The following IER5L variants were observed in gnomAD, a reference collection of about 807,000 sequenced individuals.
The protein encoded by IER5L is immediate early response 5 like, also known as immediate early response gene 5-like protein.
A neutral mutation model predicts 28.3 loss-of-function variants in IER5L; 6 were observed. That is an observed-to-expected ratio of 0.21 (90% CI 0.12 to 0.42). IER5L has a LOEUF of 0.42. IER5L is among the 10% of genes least tolerant of loss of function. IER5L has a pLI of 1.00. For synonymous variants in IER5L, 351 were observed against 282.5 expected, an observed-to-expected ratio of 1.24 and a Z score of -2.43; for missense variants, 607 against 575.2, an observed-to-expected ratio of 1.06 and a Z score of -0.56.
At position 129,176,811 on chromosome 9, in the gene IER5L, C is replaced by A; in HGVS notation, c.*27G>T. ...TTGTCTGGCCCCAGCCCCGCGGGGC[C>A]CCGGGTCCCTGTGCCCTCGGGGGTC... On this transcript the variant is annotated 3_prime_UTR_variant, in exon 1 of 1. Coordinates refer to ENST00000372491, the MANE Select transcript of IER5L (RefSeq NM_203434.3). 1 of 1,522,616 alleles carries A rather than the reference C, an allele frequency of 6.6e-7. No homozygotes were observed. The highest frequency in any genetic ancestry group is 8.8e-7 in the Non-Finnish European group (1 of 1,140,658). The allele number at this position is 1,522,616 out of a possible 1,614,324, so 94.3% of individuals were successfully genotyped here. A position where few individuals can be genotyped will look rare whatever the true frequency, so the allele number is the denominator to read the frequency against.
chr9:129,176,724 C>A lies in IER5L; in HGVS notation c.*114G>T. The A allele has an allele frequency of 7.6e-7, 1 of 1,316,438 alleles. No individual in the cohort carries two copies. The highest frequency in any genetic ancestry group is 1.9e-5 in the South Asian group (1 of 51,642). 81.5% of individuals were successfully genotyped at this position (1,316,438 alleles called of 1,614,324 possible). ...TCAGCCGCCTGCCCCCGCTCGCCCC[C>A]AGCTCAGCCCCGAGTGGCCCGGCGC... On this transcript the variant is annotated 3_prime_UTR_variant, in exon 1 of 1. Coordinates refer to ENST00000372491, the MANE Select transcript of IER5L (RefSeq NM_203434.3).
chr9:129,177,732 G>T lies in IER5L; in HGVS notation c.321C>A (p.Ala107=), dbSNP rs1048104672. ...GGTGGAGCTGGTGCAGCTGGTGCCGGGCGGCCGGCTCGCGCGCCTCCGCGT... is the reference window on the plus strand; with the variant it reads ...GGTGGAGCTGGTGCAGCTGGTGCCGTGCGGCCGGCTCGCGCGCCTCCGCGT... The part of the protein sequence containing the change: ...GGDAEAREPA[A]RHQLHQLHQL... Residue 107 remains alanine, a synonymous_variant, in exon 1 of 1, where the codon GCC becomes GCA. Coordinates refer to ENST00000372491, the MANE Select transcript of IER5L (RefSeq NM_203434.3). 47 of 1,445,486 alleles carry T rather than the reference G, an allele frequency of 3.3e-5. 1 individual carries two copies. The Admixed American group carries it at 3.6e-4, about 11-fold the overall frequency. 89.5% of individuals were successfully genotyped at this position (1,445,486 alleles called of 1,614,324 possible). A position where few individuals can be genotyped will look rare whatever the true frequency, so the allele number is the denominator to read the frequency against.
chr9:129,177,537 C>A lies in IER5L; in HGVS notation c.516G>T (p.Gly172=). 1.0e-6 allele frequency: 1 copy of A among 982,854 alleles called. No homozygotes were observed. The highest frequency in any genetic ancestry group is 1.2e-6 in the Non-Finnish European group (1 of 829,814). The allele number at this position is 982,854 out of a possible 1,614,324, so 60.9% of individuals were successfully genotyped here. The change falls in exon 1 of 1, where the codon GGG becomes GGT. Residue 172 remains glycine (G), a synonymous_variant. Transcript: ENST00000372491. ...CCGGCTGCAGAGGCTCCAAGGGCTG[C>A]CCGCGGTGGGGCGCGCCGTGCGGCG... ...LQPPHGAPHR[G]QPLEPLQPGP... is the part of the protein sequence containing the mutation.
rs201443650 is a variant in IER5L at position 129,176,795 on chromosome 9, C to T, written c.*43G>A. On this transcript the variant is annotated 3_prime_UTR_variant, in exon 1 of 1. Coordinates refer to ENST00000372491, the MANE Select transcript of IER5L (RefSeq NM_203434.3). Reference sequence around the variant, plus strand: ...CCCCTTTGCCGAGTCTTTGTCTGGCCCCAGCCCCGCGGGGCCCCGGGTCCC... The same window carrying T: ...CCCCTTTGCCGAGTCTTTGTCTGGCTCCAGCCCCGCGGGGCCCCGGGTCCC... The T allele has an allele frequency of 4.5e-3, 6,602 of 1,473,308 alleles. 253 individuals are homozygous for T. The African/African-American group carries it at 0.085, about 19-fold the overall frequency. 91.3% of individuals were successfully genotyped at this position (1,473,308 alleles called of 1,614,324 possible).
In IER5L at chr9:129,176,822, G is replaced by C. The variant is rs1196397969; in HGVS notation, c.*16C>G. 1 of 1,552,516 alleles carries C rather than the reference G, an allele frequency of 6.4e-7. No homozygotes were observed. The highest frequency in any genetic ancestry group is 2.0e-5 in the Admixed American group (1 of 51,216). On this transcript the variant is annotated 3_prime_UTR_variant, in exon 1 of 1. Coordinates refer to ENST00000372491, the MANE Select transcript of IER5L (RefSeq NM_203434.3). ...CAGCCCCGCGGGGCCCCGGGTCCCT[G>C]TGCCCTCGGGGGTCCCTAGAAGGCG... is the stretch of plus-strand genomic sequence containing the variant.
At position 129,177,990 on chromosome 9, in the gene IER5L, G is replaced by T; in HGVS notation, c.63C>A (p.Ser21=). The change falls in exon 1 of 1, where the codon TCC becomes TCA. Residue 21 remains serine, a synonymous_variant. Coordinates refer to ENST00000372491, the MANE Select transcript of IER5L (RefSeq NM_203434.3). ...ISISLRKIHS[S]RTQRGGIKLH... ...GCTTGATGCCGCCGCGCTGGGTTCG[G>T]GAGCTGTGGATCTTGCGCAGGGAGA... 6.3e-7 allele frequency: 1 copy of T among 1,576,284 alleles called. No homozygotes were observed.
In IER5L at chr9:129,176,782, G is replaced by C. The variant is rs1829409454; in HGVS notation, c.*56C>G. ...TTCCCTCCTCTCGCCCCTTTGCCGA[G>C]TCTTTGTCTGGCCCCAGCCCCGCGG... On this transcript the variant is annotated 3_prime_UTR_variant, in exon 1 of 1. Transcript: ENST00000372491. 12 of 1,434,344 alleles carry C rather than the reference G, an allele frequency of 8.4e-6. No homozygotes were observed. In the South Asian group the frequency reaches 1.8e-4, roughly 21 times the overall value. 88.9% of individuals were successfully genotyped at this position (1,434,344 alleles called of 1,614,324 possible).
Position 129,177,313 on chromosome 9 carries a change from C to G in IER5L, c.740G>C (p.Gly247Ala). ...RGAYPTPSDF[G>A]LHCSSQTTVL... ...GGTGGTCTGGCTGCTGCAGTGCAAG[C>G]CGAAGTCCGAAGGGGTAGGGTATGC... is the stretch of plus-strand genomic sequence containing the variant. The change falls in exon 1 of 1, where the codon GGC becomes GCC. Residue 247 changes from glycine to alanine, a missense_variant. By Grantham distance (60) the Gly-to-Ala change is moderately conservative. Transcript: ENST00000372491. The G allele has an allele frequency of 7.0e-7, 1 of 1,425,222 alleles. No homozygotes were observed. The highest frequency in any genetic ancestry group is 9.2e-7 in the Non-Finnish European group (1 of 1,092,272). 88.3% of individuals were successfully genotyped at this position (1,425,222 alleles called of 1,614,324 possible). A position where few individuals can be genotyped will look rare whatever the true frequency, so the allele number is the denominator to read the frequency against.
Position 129,177,133 on chromosome 9 carries a change from C to T in IER5L, c.920G>A (p.Gly307Asp), listed in dbSNP as rs1829415725. Residue 307 changes from glycine (G) to aspartate (D), a missense_variant, in exon 1 of 1, where the codon GGC becomes GAC. By Grantham distance (94) the Gly-to-Asp change is moderately conservative. Coordinates refer to ENST00000372491, the MANE Select transcript of IER5L (RefSeq NM_203434.3). The stretch of plus-strand genomic sequence containing the variant: ...CTCGTCGTCTTCCTCCTCCTCCTGG[C>T]CAGGGTAATACTTGCGCTTGCAGCC... ...AAGCKRKYYP[G>D]QEEEEDDEED... 4 of 1,470,200 alleles carry T rather than the reference C, an allele frequency of 2.7e-6. No individual in the cohort carries two copies. The highest frequency in any genetic ancestry group is 3.6e-6 in the Non-Finnish European group (4 of 1,113,398). The allele number at this position is 1,470,200 out of a possible 1,614,324, so 91.1% of individuals were successfully genotyped here.
At position 129,177,815 on chromosome 9, in the gene IER5L, G is replaced by T; in HGVS notation, c.238C>A (p.Pro80Thr). Residue 80 changes from proline to threonine, a missense_variant, in exon 1 of 1, where the codon CCG becomes ACG. Pro to Thr is a conservative substitution (Grantham distance 38). Coordinates refer to ENST00000372491, the MANE Select transcript of IER5L (RefSeq NM_203434.3). Reference sequence around the variant, plus strand: ...TCGGCCGCGCTGGCCGGCATGCCCGGCGCCGCGTACGCTAGGTGCTGGTGC... The same window carrying T: ...TCGGCCGCGCTGGCCGGCATGCCCGTCGCCGCGTACGCTAGGTGCTGGTGC... The part of the protein sequence containing the change: ...HQHQHLAYAA[P>T]GMPASAADFG... 1 of 1,514,080 alleles carries T rather than the reference G, an allele frequency of 6.6e-7. No homozygotes were observed. The highest frequency in any genetic ancestry group is 1.4e-5 in the African/African-American group (1 of 69,334). The allele number at this position is 1,514,080 out of a possible 1,614,324, so 93.8% of individuals were successfully genotyped here.
In IER5L at chr9:129,176,816, G is replaced by A. The variant is rs759695858; in HGVS notation, c.*22C>T. On this transcript the variant is annotated 3_prime_UTR_variant, in exon 1 of 1. Transcript: ENST00000372491. ...TGGCCCCAGCCCCGCGGGGCCCCGG[G>A]TCCCTGTGCCCTCGGGGGTCCCTAG... 8.4e-6 allele frequency: 13 copies of A among 1,539,606 alleles called. No individual in the cohort carries two copies. The highest frequency in any genetic ancestry group is 8.2e-5 in the Admixed American group (4 of 49,034).
Position 129,176,963 on chromosome 9 carries a change from A to G in IER5L, c.1090T>C (p.Phe364Leu). The G allele has an allele frequency of 2.5e-6, 4 of 1,603,744 alleles. No homozygotes were observed. The highest frequency in any genetic ancestry group is 2.6e-6 in the Non-Finnish European group (3 of 1,176,470). ...GGCTGTCGGCTCACCAGCCCCGAGA[A>G]GCCGGAGCCAAAGATGGAGATCAAG... ...SNLISIFGSG[F>L]SGLVSRQPDS... The change falls in exon 1 of 1, where the codon TTC (phenylalanine) becomes CTC (leucine). Residue 364 changes from phenylalanine to leucine, a missense_variant. By Grantham distance (22) the Phe-to-Leu change is conservative (BLOSUM62 0). Transcript: ENST00000372491.
Position 129,177,773 on chromosome 9 carries a change from G to C in IER5L, c.280C>G (p.Leu94Val). The change falls in exon 1 of 1, where the codon CTT (leucine) becomes GTT (valine). Residue 94 changes from leucine (L) to valine (V), a missense_variant. By Grantham distance (32) the Leu-to-Val change is conservative. Transcript: ENST00000372491. ...GCCTCCGCGTCCCCGCCGCCGCCAA[G>C]TTGGAGCGGGCCGAAGTCGGCCGCG... ...ASAADFGPLQ[L>V]GGGGDAEARE... The C allele has an allele frequency of 6.8e-7, 1 of 1,469,554 alleles. No homozygotes were observed. Among genetic ancestry groups the C allele is most frequent in the Non-Finnish European group, 9.0e-7 (1 of 1,116,050 alleles). The allele number at this position is 1,469,554 out of a possible 1,614,324, so 91.0% of individuals were successfully genotyped here.
Position 129,178,212 on chromosome 9 carries a change from G to C in IER5L, c.-160C>G. 3.6e-6 allele frequency: 2 copies of C among 552,492 alleles called. No individual in the cohort carries two copies. Among genetic ancestry groups the C allele is most frequent in the East Asian group, 3.5e-5 (1 of 28,422 alleles). The allele number at this position is 552,492 out of a possible 1,614,324, so 34.2% of individuals were successfully genotyped here. A position where few individuals can be genotyped will look rare whatever the true frequency, so the allele number is the denominator to read the frequency against. On this transcript the variant is annotated 5_prime_UTR_variant, in exon 1 of 1. Coordinates refer to ENST00000372491, the MANE Select transcript of IER5L (RefSeq NM_203434.3). ...CCGAAAGGAGCCGCCACCATGCGCC[G>C]CGCGCCACCCGCGGGCTCGCGCTCC...
At position 129,177,957 on chromosome 9, in the gene IER5L, C is replaced by T; in HGVS notation, c.96G>A (p.Lys32=). The change falls in exon 1 of 1, where the codon AAG becomes AAA. Residue 32 remains lysine, a synonymous_variant. Transcript: ENST00000372491. The part of the protein sequence containing the change: ...RTQRGGIKLH[K]NLLVSYVLRN... ...GGAGCACGTAGGACACCAGGAGGTT[C>T]TTGTGCAGCTTGATGCCGCCGCGCT... The T allele has an allele frequency of 1.3e-6, 2 of 1,590,126 alleles. No individual in the cohort carries two copies. Among genetic ancestry groups the T allele is most frequent in the Non-Finnish European group, 1.7e-6 (2 of 1,170,026 alleles).
At position 129,177,375 on chromosome 9, in the gene IER5L, G is replaced by A; in HGVS notation, c.678C>T (p.Ser226=). 7.8e-7 allele frequency: 1 copy of A among 1,287,964 alleles called. No homozygotes were observed. Among genetic ancestry groups the A allele is most frequent in the Non-Finnish European group, 9.8e-7 (1 of 1,018,144 alleles). 79.8% of individuals were successfully genotyped at this position (1,287,964 alleles called of 1,614,324 possible). A position where few individuals can be genotyped will look rare whatever the true frequency, so the allele number is the denominator to read the frequency against. ...AGCCGGGGGAGGAGGCGGGGGCCGG[G>A]GAGGCGGGCGGAGAAGCGGCGGCGG... ...PPAAAASPPA[S]PAPASSPGFY... The change falls in exon 1 of 1, where the codon TCC becomes TCT. Residue 226 remains serine, a synonymous_variant. Transcript: ENST00000372491.
Position 129,176,920 on chromosome 9 carries a change from G to A in IER5L, c.1133C>T (p.Pro378Leu), listed in dbSNP as rs776936905. 22 of 1,604,654 alleles carry A rather than the reference G, an allele frequency of 1.4e-5. No individual in the cohort carries two copies. The highest frequency in any genetic ancestry group is 8.4e-5 in the Admixed American group (5 of 59,504). The change falls in exon 1 of 1, where the codon CCG becomes CTG. Residue 378 changes from proline (P) to leucine (L), a missense_variant. Coordinates refer to ENST00000372491, the MANE Select transcript of IER5L (RefSeq NM_203434.3). Reference sequence around the variant, plus strand: ...GCACAGCTGCCCGTTGAGCGGCGGCGGCTGCTCCGAGGAGTCCGGCTGTCG... The same window carrying A: ...GCACAGCTGCCCGTTGAGCGGCGGCAGCTGCTCCGAGGAGTCCGGCTGTCG... Reference protein sequence around the residue: ...VSRQPDSSEQPPPLNGQLCAK... With the variant: ...VSRQPDSSEQLPPLNGQLCAK...
Position 129,177,195 on chromosome 9 carries a change from G to A in IER5L, c.858C>T (p.Gly286=), listed in dbSNP as rs763704172. Residue 286 remains glycine, a synonymous_variant, in exon 1 of 1, where the codon GGC becomes GGT. Coordinates refer to ENST00000372491, the MANE Select transcript of IER5L (RefSeq NM_203434.3). ...CCASAHCPCC[G]QGAPGPGLAS... ...CCAGGCCCGGTCCCGGAGCGCCCTG[G>A]CCACAGCAGGGGCAGTGGGCGGAGG... 8 of 1,480,108 alleles carry A rather than the reference G, an allele frequency of 5.4e-6. No individual in the cohort carries two copies. The highest frequency in any genetic ancestry group is 7.1e-6 in the Non-Finnish European group (8 of 1,122,288). The allele number at this position is 1,480,108 out of a possible 1,614,324, so 91.7% of individuals were successfully genotyped here.
rs1364406847 is a variant in IER5L at position 129,175,597 on chromosome 9, AAC to A, written c.*1239_*1240del. 6.6e-6 allele frequency: 1 copy of A among 152,218 alleles called. No individual in the cohort carries two copies. The highest frequency in any genetic ancestry group is 1.5e-5 in the Non-Finnish European group (1 of 68,058). The allele number at this position is 152,218 out of a possible 1,614,324, so 9.4% of individuals were successfully genotyped here. A position where few individuals can be genotyped will look rare whatever the true frequency, so the allele number is the denominator to read the frequency against. The stretch of plus-strand genomic sequence containing the variant: ...TAAGATTATAAATTTAAACAATCTG[AAC>A]AGTTTTACCCGGTGATATACAATTC... On this transcript the variant is annotated 3_prime_UTR_variant, in exon 1 of 1. Transcript: ENST00000372491. The surrounding 1 kb of genome is among the most constrained non-coding windows in gnomAD (Gnocchi z 5.2).
Sources: gnomAD v4.1 joint callset for allele counts on GRCh38, gnomAD v4.1.1 for gene constraint, Gnocchi (gnomAD v3.1) non-coding constraint, MANE v1.5 for transcripts, NCBI Gene and HGNC (gene_info 2026-07-23, HGNC 2026-07-21) for gene names.